Variants in LDB2 observed in about 807,000 individuals in gnomAD.
LDB2 encodes LIM domain binding 2.
Under a neutral mutation model 44.3 loss-of-function variants are expected in LDB2, and 12 were observed. The observed-to-expected ratio is 0.27, with a 90% confidence interval of 0.17 to 0.44. LDB2 has a LOEUF of 0.44. Among genes scored for constraint, LDB2 ranks in the 20% least tolerant of loss-of-function variants. The pLI, the probability that LDB2 is intolerant of heterozygous loss-of-function variation, is 1.00. For missense variants in LDB2, 344 were observed against 473.5 expected (o/e 0.73, Z 2.54); for synonymous variants, 164 against 174.8 (o/e 0.94, Z 0.49).
intron 1 of LDB2, among the ~76,000 whole-genome samples, chr4:16,836,034 GCAACA>G: frequency 6.6e-6 from 1 of 152,276 alleles, no homozygotes; most frequent in East Asian, 1.9e-4. Context: ...TTTTAAGCTA[GCAACA>G]CAATAGAAAT....
intron 1 of LDB2, among the ~76,000 whole-genome samples, chr4:16,854,879 G>A (rs1299307260): frequency 1.3e-5 from 2 of 151,890 alleles, no homozygotes; most frequent in Non-Finnish European, 2.9e-5. Flanking sequence ...GATTATTTAA[G>A]CTTTGCCCTA....
chr4:16,806,498 G>A (rs1396998040), intron 1 of LDB2, among the ~76,000 whole-genome samples: 1 of 152,234 alleles, frequency 6.6e-6, no homozygotes, highest in Non-Finnish European at 1.5e-5. Flanking sequence ...AGTGGACACT[G>A]GCAATCAATG....
At chr4:16,788,017 G>A (rs1325934796) in intron 1 of LDB2, among the ~76,000 whole-genome samples, 1 of 152,142 alleles carries the variant, frequency 6.6e-6, no homozygotes, top group Non-Finnish European at 1.5e-5. Flanking sequence ...CAAGCTTGGG[G>A]TGCATGTGCC....
chr4:16,821,760 A>AAAAAAAAAAAAAAAAAAAC, intron 1 of LDB2, among the ~76,000 whole-genome samples: 2 of 149,750 alleles, frequency 1.3e-5, no homozygotes, highest in Non-Finnish European at 3.0e-5. Flanking sequence ...AAAAAAAAAA[A>AAAAAAAAAAAAAAAAAAAC]AAAAAAAAAA....
At chr4:16,563,561 G>T (rs1743327028) in intron 5 of LDB2, among the ~76,000 whole-genome samples, 1 of 144,922 alleles carries the variant, frequency 6.9e-6, no homozygotes, top group Non-Finnish European at 1.5e-5. Context: ...CCATTCTCCT[G>T]CCTCAGCCTC....
intron 5 of LDB2, among the ~76,000 whole-genome samples, chr4:16,517,522 C>A (rs1724217279): frequency 6.6e-6 from 1 of 152,180 alleles, no homozygotes; most frequent in South Asian, 2.1e-4. Flanking sequence ...ACATCTGCAG[C>A]AGCCTGCATG....
intron 5 of LDB2, among the ~76,000 whole-genome samples, chr4:16,579,584 TAG>T (rs1713457138): frequency 6.6e-6 from 1 of 152,166 alleles, no homozygotes; most frequent in African/African-American, 2.4e-5. Flanking sequence ...ATCTGCACCC[TAG>T]AGAGATGTGA....
intron 2 of LDB2, among the ~76,000 whole-genome samples, chr4:16,710,662 A>C (rs1418686808): frequency 6.6e-6 from 1 of 152,182 alleles, no homozygotes; most frequent in Non-Finnish European, 1.5e-5. Context: ...AGAAAATACA[A>C]AAAAAAGTGT....
At chr4:16,611,761 A>G (rs1299175657) in intron 2 of LDB2, among the ~76,000 whole-genome samples, 1 of 152,192 alleles carries the variant, frequency 6.6e-6, no homozygotes, top group African/African-American at 2.4e-5. Context: ...ACACAATAAT[A>G]GTGGGAGACT....
chr4:16,754,061 C>G (rs114179784), intron 2 of LDB2, among the ~76,000 whole-genome samples: 1 of 152,176 alleles, frequency 6.6e-6, no homozygotes. Context: ...AACAAGGTAG[C>G]GTTTTAGTAG....
intron 2 of LDB2, among the ~76,000 whole-genome samples, chr4:16,623,972 T>A (rs958350559): frequency 6.6e-6 from 1 of 152,192 alleles, no homozygotes; most frequent in Non-Finnish European, 1.5e-5. Context: ...AACTACAATA[T>A]GCTGTTCGCA....
chr4:16,686,800 G>T (rs1338818221), intron 2 of LDB2, among the ~76,000 whole-genome samples: 1 of 151,946 alleles, frequency 6.6e-6, no homozygotes, highest in Non-Finnish European at 1.5e-5. Flanking sequence ...TAGGTCCATG[G>T]GTACAAAAAA....
At chr4:16,850,800 G>T in intron 1 of LDB2, among the ~76,000 whole-genome samples, 1 of 152,154 alleles carries the variant, frequency 6.6e-6, no homozygotes. Context: ...AGTTTGGTTT[G>T]GGAGTTGATG....
At chr4:16,778,875 A>G (rs1772544031) in intron 1 of LDB2, among the ~76,000 whole-genome samples, 1 of 152,204 alleles carries the variant, frequency 6.6e-6, no homozygotes, top group Admixed American at 6.5e-5. Context: ...ATATCCTTGG[A>G]TGTAAAGTTA....
intron 2 of LDB2, among the ~76,000 whole-genome samples, chr4:16,663,074 G>A (rs1349519051): frequency 2.6e-5 from 4 of 151,950 alleles, no homozygotes; most frequent in Non-Finnish European, 5.9e-5. Flanking sequence ...AGAAAATAAA[G>A]CTTTTCTTCT....
At chr4:16,545,122 C>T (rs1202400261) in intron 5 of LDB2, among the ~76,000 whole-genome samples, 3 of 151,860 alleles carry the variant, frequency 2.0e-5, no homozygotes, top group South Asian at 2.1e-4. Context: ...CTTCCTCCCT[C>T]CCTCCCGCTC....
At chr4:16,620,079 A>T (rs1457308864) in intron 2 of LDB2, among the ~76,000 whole-genome samples, 3 of 152,096 alleles carry the variant, frequency 2.0e-5, no homozygotes. Context: ...TTGGGATAAA[A>T]TTTTCTGCTA....
At chr4:16,512,384 A>G (rs571660243) in intron 5 of LDB2, among the ~76,000 whole-genome samples, 17 of 152,280 alleles carry the variant, frequency 1.1e-4, no homozygotes, top group South Asian at 4.1e-4. Flanking sequence ...ACACCTGTAC[A>G]GACAATGGGG....
intron 2 of LDB2, chr4:16,674,396 G>A (rs1417904995): frequency 3.6e-6 from 2 of 557,848 alleles, no homozygotes; most frequent in East Asian, 1.4e-4. Context: ...TTAGAAGCAG[G>A]GACCCCAGCT....
Sources: gnomAD v4.1 joint callset for allele counts (sites outside exome capture counted in the v4.1 genomes callset) on GRCh38, gnomAD v4.1.1 for gene constraint, MANE v1.5 for transcripts, NCBI Gene and HGNC (gene_info 2026-07-23, HGNC 2026-07-21) for gene names.